EDA: variants seen among roughly 807,000 people sequenced by gnomAD.
EDA encodes the protein ectodysplasin-A.
Under a neutral mutation model 23.6 loss-of-function variants are expected in EDA, and 2 were observed. That is an observed-to-expected ratio of 0.08 (90% CI 0.03 to 0.27). The LOEUF is 0.27. Ranked by LOEUF, EDA falls within the 10% of genes least tolerant of loss-of-function variation. The pLI is 1.00. For synonymous variants in EDA, 131 were observed against 132.0 expected (o/e 0.99, Z 0.05); for missense variants, 229 against 324.2 (o/e 0.71, Z 2.26).
intron 1 of EDA, among the ~76,000 whole-genome samples, chrX:69,778,921 A>T (rs200756706): frequency 8.9e-6 from 1 of 111,846 alleles, no homozygotes; most frequent in East Asian, 2.8e-4. Flanking sequence ...CAGAATTCAT[A>T]AGATTTCTGT....
intron 1 of EDA, among the ~76,000 whole-genome samples, chrX:69,783,585 A>G (rs1196707852): frequency 4.5e-5 from 5 of 110,270 alleles, no homozygotes; most frequent in African/African-American, 6.6e-5. Context: ...ATGATTTCCA[A>G]TTTCATCCAT....
intron 1 of EDA, among the ~76,000 whole-genome samples, chrX:69,717,455 C>T (rs2012383909): frequency 9.3e-6 from 1 of 107,732 alleles, no homozygotes; most frequent in African/African-American, 3.4e-5. Flanking sequence ...GTGTGTTGAT[C>T]TTTTATCTGT....
chrX:69,828,370 C>T (rs1291485511), intron 1 of EDA, among the ~76,000 whole-genome samples: 2 of 112,439 alleles, frequency 1.8e-5, no homozygotes, highest in Non-Finnish European at 3.8e-5. Context: ...GGCGTAGGAC[C>T]CTCCGAGTCA....
chrX:69,834,838 G>A (rs1029029466), intron 1 of EDA, among the ~76,000 whole-genome samples: 156 of 111,610 alleles, frequency 1.4e-3, no homozygotes, highest in African/African-American at 5.0e-3. Flanking sequence ...GCATGTTTTT[G>A]CAGTGGCTGG....
intron 1 of EDA, among the ~76,000 whole-genome samples, chrX:69,787,903 A>G (rs1249788073): frequency 3.6e-5 from 4 of 111,499 alleles, no homozygotes; most frequent in Admixed American, 9.5e-5. Context: ...ACTTGGCTCC[A>G]TTCTCCCCAT....
At chrX:69,656,821 G>A (rs1281186981) in intron 1 of EDA, among the ~76,000 whole-genome samples, 1 of 111,641 alleles carries the variant, frequency 9.0e-6, no homozygotes, top group Non-Finnish European at 1.9e-5. Flanking sequence ...GTTGCAAAAG[G>A]CATGATTTCA....
chrX:69,633,474 C>A (rs1230769646), intron 1 of EDA, among the ~76,000 whole-genome samples: 1 of 111,593 alleles, frequency 9.0e-6, no homozygotes, highest in African/African-American at 3.3e-5. Context: ...ATTTTCATTG[C>A]CCCCCAAAGA....
chrX:69,923,166 T>C (rs2018461005), intron 1 of EDA, among the ~76,000 whole-genome samples: 1 of 111,737 alleles, frequency 8.9e-6, no homozygotes, highest in African/African-American at 3.2e-5. Context: ...TTGATGGCCT[T>C]TCTTAAAATT....
intron 1 of EDA, among the ~76,000 whole-genome samples, chrX:69,838,582 G>A (rs1206757935): frequency 8.0e-5 from 9 of 112,395 alleles, no homozygotes; most frequent in East Asian, 2.8e-4. Flanking sequence ...AGCCAAGATC[G>A]CGCCACTGCA....
intron 1 of EDA, among the ~76,000 whole-genome samples, chrX:69,883,071 A>C (rs2017774295): frequency 8.9e-6 from 1 of 112,157 alleles, no homozygotes; most frequent in Non-Finnish European, 1.9e-5. Context: ...CGATTACTAA[A>C]GATTGCAAGC....
intron 1 of EDA, among the ~76,000 whole-genome samples, chrX:69,664,665 A>ATT (rs1310002035): frequency 7.4e-5 from 4 of 53,950 alleles, no homozygotes; most frequent in African/African-American, 1.5e-4. Context: ...ATAATATTTC[A>ATT]TTGTGTGTGT....
chrX:69,698,782 C>A (rs887099865), intron 1 of EDA, among the ~76,000 whole-genome samples: 1 of 110,712 alleles, frequency 9.0e-6, no homozygotes, highest in African/African-American at 3.3e-5. Flanking sequence ...GTGGAGAATC[C>A]ATTTTATTCC....
At chrX:69,810,851 T>C (rs2015940443) in intron 1 of EDA, among the ~76,000 whole-genome samples, 1 of 110,449 alleles carries the variant, frequency 9.1e-6, no homozygotes, top group Non-Finnish European at 1.9e-5. Context: ...GAACCCAGAG[T>C]TTTTGTTGGT....
intron 1 of EDA, among the ~76,000 whole-genome samples, chrX:69,901,136 C>A (rs2018092800): frequency 9.0e-6 from 1 of 111,705 alleles, no homozygotes; most frequent in African/African-American, 3.2e-5. Flanking sequence ...GGCAAACCCT[C>A]ATTTTAGGGA....
chrX:70,020,866 C>T (rs1421273415), intron 2 of EDA, among the ~76,000 whole-genome samples: 1 of 112,031 alleles, frequency 8.9e-6, no homozygotes, highest in Non-Finnish European at 1.9e-5. Flanking sequence ...TATTTATATA[C>T]ATAGAAGACT....
intron 2 of EDA, among the ~76,000 whole-genome samples, chrX:69,973,675 T>C (rs772865257): frequency 9.0e-6 from 1 of 111,686 alleles, no homozygotes; most frequent in Admixed American, 9.6e-5. Flanking sequence ...AGGAGACTTA[T>C]ACAGCGTCAA....
intron 1 of EDA, among the ~76,000 whole-genome samples, chrX:69,740,492 T>C (rs1047336779): frequency 9.0e-6 from 1 of 111,455 alleles, no homozygotes; most frequent in African/African-American, 3.2e-5. Flanking sequence ...TAGCCTCCAT[T>C]GTCTCTAATG....
chrX:69,749,466 G>A (rs1327205816), intron 1 of EDA, among the ~76,000 whole-genome samples: 3 of 105,997 alleles, frequency 2.8e-5, no homozygotes, highest in African/African-American at 6.9e-5. Context: ...TAATGGGATG[G>A]CTGGGTCAAA....
intron 7 of EDA, among the ~76,000 whole-genome samples, chrX:70,034,758 T>G (rs1602624011): frequency 9.0e-6 from 1 of 111,506 alleles, no homozygotes; most frequent in African/African-American, 3.3e-5. Context: ...TAGCTCTCGA[T>G]CTCTCTGGAC....
Sources: allele counts gnomAD v4.1 joint callset (sites outside exome capture counted in the v4.1 genomes callset), GRCh38; gene constraint gnomAD v4.1.1; transcripts MANE v1.5; gene names NCBI Gene and HGNC (gene_info 2026-07-23, HGNC 2026-07-21).